HMGA2: variants seen among roughly 807,000 people sequenced by gnomAD.
The protein encoded by HMGA2 is high mobility group AT-hook 2, also known as high mobility group protein HMGI-C.
In HMGA2, 8 loss-of-function variants were observed where a neutral mutation model predicts 19.1. The ratio of observed to expected loss-of-function variants is 0.42; its 90% CI spans 0.25 to 0.76. The LOEUF is 0.76. HMGA2 is among the 30% of genes least tolerant of loss of function. The pLI is 0.28. For synonymous variants in HMGA2, 60 were observed against 48.8 expected (o/e 1.23, Z -0.96); for missense variants, 109 against 136.3 (o/e 0.80, Z 1.00).
chr12:65,943,114 T>C (rs906108951), intron 3 of HMGA2, among the ~76,000 whole-genome samples: 79 of 152,204 alleles, frequency 5.2e-4, no homozygotes, highest in African/African-American at 1.9e-3. Context: ...CTAATATCTG[T>C]TTTTCATTTG....
In HMGA2 at chr12:65,824,714, TCTC is replaced by T. The variant is rs1565697390; in HGVS notation, c.-556_-554del. The T allele has an allele frequency of 7.8e-5, 1 of 12,798 alleles. No individual in the cohort carries two copies. The highest frequency in any genetic ancestry group is 2.0e-4 in the Non-Finnish European group (1 of 5,054). The allele number at this position is 12,798 out of a possible 1,614,324, so 0.8% of individuals were successfully genotyped here. ...CAAGGCACTTTCAATCTCAATCTCT[TCTC>T]TCTCTCTCTCTCTCTCTCTCTCTCT... is the stretch of plus-strand genomic sequence containing the variant. On this transcript the variant is annotated 5_prime_UTR_variant, in exon 1 of 5. Coordinates refer to ENST00000403681, the MANE Select transcript of HMGA2 (RefSeq NM_003483.6).
At chr12:65,879,997 T>C (rs975407726) in intron 3 of HMGA2, among the ~76,000 whole-genome samples, 2 of 152,222 alleles carry the variant, frequency 1.3e-5, no homozygotes, top group East Asian at 1.9e-4. Context: ...ATTATTGCTG[T>C]GCTGTCAAAG....
At chr12:65,937,978 A>C (rs558800401) in intron 3 of HMGA2, among the ~76,000 whole-genome samples, 1 of 152,238 alleles carries the variant, frequency 6.6e-6, no homozygotes, top group South Asian at 2.1e-4. Context: ...GACCCTCTCC[A>C]TGGCCCTGGG....
intron 2 of HMGA2, among the ~76,000 whole-genome samples, chr12:65,833,596 T>C (rs1208799012): frequency 6.6e-6 from 1 of 152,194 alleles, no homozygotes; most frequent in African/African-American, 2.4e-5. Flanking sequence ...CTTGTCCATG[T>C]GTTTATAGGA....
chr12:65,880,638 T>C (rs1286685558), intron 3 of HMGA2, among the ~76,000 whole-genome samples: 1 of 152,250 alleles, frequency 6.6e-6, no homozygotes, highest in Non-Finnish European at 1.5e-5. Context: ...TGTATTTGTA[T>C]GTTTTGCCTC....
chr12:65,960,765 T>G (rs1303572554), intron 4 of HMGA2, among the ~76,000 whole-genome samples: 1 of 152,212 alleles, frequency 6.6e-6, no homozygotes, highest in Non-Finnish European at 1.5e-5. Context: ...AATTCTAAGG[T>G]CAGCAGAAAG....
intron 1 of HMGA2, 88 bp from the exon 2 acceptor site, chr12:65,827,913 C>T: frequency 1.1e-6 from 1 of 891,916 alleles, no homozygotes; most frequent in Non-Finnish European, 1.9e-6. Flanking sequence ...TTTTGAGCAG[C>T]ACATGCAGAA....
chr12:65,855,797 C>A (rs1871711203), intron 3 of HMGA2: 1 of 153,818 alleles, frequency 6.5e-6, no homozygotes, highest in Non-Finnish European at 1.4e-5. Flanking sequence ...TTATGGGATT[C>A]TTTTGGAGAA....
At chr12:65,831,558 A>T (rs561923796) in intron 2 of HMGA2, among the ~76,000 whole-genome samples, 1 of 151,978 alleles carries the variant, frequency 6.6e-6, no homozygotes, top group Non-Finnish European at 1.5e-5. Flanking sequence ...CTAGGAAGCA[A>T]AGTGCAGAAT....
At chr12:65,885,256 T>C (rs969592534) in intron 3 of HMGA2, among the ~76,000 whole-genome samples, 1 of 152,174 alleles carries the variant, frequency 6.6e-6, no homozygotes. Flanking sequence ...TCCTTTTTTT[T>C]CTGGTGCCCA....
At chr12:65,873,696 C>T (rs1398698424) in intron 3 of HMGA2, 3 of 152,132 alleles carry the variant, frequency 2.0e-5, no homozygotes, top group Admixed American at 6.5e-5. Context: ...ACCATTATCA[C>T]ATTACTCTGT....
At chr12:65,842,851 T>C in intron 3 of HMGA2, 1 of 1,320,138 alleles carries the variant, frequency 7.6e-7, no homozygotes, top group South Asian at 2.5e-5. Context: ...TGGAAAGTAT[T>C]TGGAGAAAGT....
chr12:65,906,341 G>A (rs1289932473), intron 3 of HMGA2, among the ~76,000 whole-genome samples: 1 of 152,258 alleles, frequency 6.6e-6, no homozygotes, highest in East Asian at 1.9e-4. Flanking sequence ...CAGTGCCTCC[G>A]ATGATAGCAT....
chr12:65,868,938 C>T lies in HMGA2; in HGVS notation c.249+30369C>T, dbSNP rs575326770. On this transcript the variant is annotated intron_variant, in intron 3 of 4. Coordinates refer to ENST00000403681, the MANE Select transcript of HMGA2 (RefSeq NM_003483.6). ...CAAGGTCATATTATAAACATTAATG[C>T]TGTCCCAAACTGCCAATGCATTGCG... Among the ~76,000 whole-genome samples, 92 of 152,282 alleles carry T rather than the reference C, an allele frequency of 6.0e-4. 1 individual carries two copies. The South Asian group carries it at 0.014, about 23-fold the overall frequency.
At chr12:65,907,060 C>G (rs980611776) in intron 3 of HMGA2, among the ~76,000 whole-genome samples, 24 of 152,028 alleles carry the variant, frequency 1.6e-4, no homozygotes, top group Non-Finnish European at 2.5e-4. Flanking sequence ...ATTCCCTGTA[C>G]CTGAAAACGA....
chr12:65,920,881 G>A (rs4762125), intron 3 of HMGA2, among the ~76,000 whole-genome samples: 24,714 of 152,200 alleles, frequency 0.16, 2,180 homozygotes, highest in African/African-American at 0.22. Context: ...TGAAAATGTG[G>A]AAGCGACTTT....
intron 3 of HMGA2, among the ~76,000 whole-genome samples, chr12:65,886,142 T>A (rs1241131304): frequency 6.6e-6 from 1 of 152,084 alleles, no homozygotes; most frequent in Non-Finnish European, 1.5e-5. Flanking sequence ...TTTGAAAACT[T>A]GGTTTACATA....
chr12:65,830,204 T>C (rs1349887195), intron 2 of HMGA2, among the ~76,000 whole-genome samples: 5 of 151,998 alleles, frequency 3.3e-5, no homozygotes, highest in Admixed American at 6.5e-5. Flanking sequence ...ATGAATGACA[T>C]TGATGAATCG....
intron 3 of HMGA2, among the ~76,000 whole-genome samples, chr12:65,891,362 A>G (rs1280202828): frequency 2.6e-5 from 4 of 152,182 alleles, no homozygotes; most frequent in Admixed American, 6.5e-5. Flanking sequence ...TAGGGGATAA[A>G]CTTTGAGTGG....
Sources: allele counts gnomAD v4.1 joint callset (sites outside exome capture counted in the v4.1 genomes callset), GRCh38; gene constraint gnomAD v4.1.1; transcripts MANE v1.5; gene names NCBI Gene and HGNC (gene_info 2026-07-23, HGNC 2026-07-21).